OSBPL9: variants seen among roughly 807,000 people sequenced by gnomAD.
The protein encoded by OSBPL9 is oxysterol-binding protein-related protein 9.
OSBPL9 carries 40 observed loss-of-function variants against 106.6 expected under a neutral mutation model. The ratio of observed to expected loss-of-function variants is 0.38; its 90% confidence interval spans 0.29 to 0.49. The LOEUF (loss-of-function observed/expected upper bound fraction) is 0.49. Among genes scored for constraint, OSBPL9 ranks in the 20% least tolerant of loss-of-function variants. OSBPL9 has a pLI of 0.97. For synonymous variants in OSBPL9, 269 were observed against 295.4 expected, an observed-to-expected ratio of 0.91 and a Z score of 0.92; for missense variants, 609 against 887.2, an observed-to-expected ratio of 0.69 and a Z score of 3.98.
intron 12 of OSBPL9, among the ~76,000 whole-genome samples, chr1:51,771,349 A>G (rs1221881963): frequency 2.0e-5 from 3 of 152,078 alleles, no homozygotes; most frequent in Non-Finnish European, 4.4e-5. Flanking sequence ...ACAAATACCA[A>G]CTGGGTGTGG....
At chr1:51,580,517 A>G (rs1645214409) in intron 1 of OSBPL9, among the ~76,000 whole-genome samples, 1 of 152,134 alleles carries the variant, frequency 6.6e-6, no homozygotes. Flanking sequence ...AGCAGGCCAA[A>G]TTTGCTAAAA....
upstream of OSBPL9, among the ~76,000 whole-genome samples, chr1:51,616,027 T>TTGTGTGTG (rs1553150114): frequency 2.0e-5 from 3 of 147,356 alleles, no homozygotes; most frequent in African/African-American, 7.7e-5. Flanking sequence ...TTTTTTTTTT[T>TTGTGTGTG]TGTGTGAGAG....
intron 2 of OSBPL9, among the ~76,000 whole-genome samples, chr1:51,609,139 G>C (rs1367176589): frequency 6.6e-6 from 1 of 152,198 alleles, no homozygotes; most frequent in Middle Eastern, 3.4e-3. Flanking sequence ...TGATCTTGAA[G>C]TATTTTCCGT....
At chr1:51,558,073 G>A in the OSBPL9 span, among the ~76,000 whole-genome samples, 1 of 152,202 alleles carries the variant, frequency 6.6e-6, no homozygotes, top group Non-Finnish European at 1.5e-5. Context: ...GAGGTCAGGA[G>A]ATCAAGACCA....
chr1:51,652,077 G>T lies in OSBPL9; in HGVS notation c.162+36G>T. On this transcript the variant is annotated intron_variant, in intron 2 of 23. Transcript: ENST00000428468. ...ATTCATTTTTATGAAAATCAATTTT[G>T]ACAGAAGAAAATTGTATTCTGATAG... The T allele has an allele frequency of 2.0e-6, 3 of 1,492,374 alleles. No homozygotes were observed. The South Asian group carries it at 3.6e-5, about 18-fold the overall frequency. The allele number at this position is 1,492,374 out of a possible 1,614,324, so 92.4% of individuals were successfully genotyped here.
intron 4 of OSBPL9, among the ~76,000 whole-genome samples, chr1:51,731,431 A>G (rs763438249): frequency 3.9e-5 from 6 of 152,204 alleles, no homozygotes; most frequent in East Asian, 1.9e-4. Flanking sequence ...AGCCTGGATG[A>G]CAGAGAGCAA....
At chr1:51,690,228 T>C (rs1338360031) in intron 3 of OSBPL9, among the ~76,000 whole-genome samples, 1 of 152,224 alleles carries the variant, frequency 6.6e-6, no homozygotes, top group Non-Finnish European at 1.5e-5. Flanking sequence ...TGGTGAGGCT[T>C]TCCATTGACT....
chr1:51,666,267 A>G (rs1648494771), intron 2 of OSBPL9, among the ~76,000 whole-genome samples: 1 of 152,178 alleles, frequency 6.6e-6, no homozygotes, highest in Non-Finnish European at 1.5e-5. Context: ...TGGAAGGTTA[A>G]GGTACAGCCA....
chr1:51,569,238 G>C, the OSBPL9 span, among the ~76,000 whole-genome samples: 1 of 152,204 alleles, frequency 6.6e-6, no homozygotes, highest in African/African-American at 2.4e-5. Context: ...TTATTGTAGT[G>C]TACCTGTGAG....
upstream of OSBPL9, among the ~76,000 whole-genome samples, chr1:51,613,758 A>G (rs1644005544): frequency 6.8e-6 from 1 of 147,968 alleles, no homozygotes; most frequent in Non-Finnish European, 1.5e-5. Flanking sequence ...TTTTTTTGAG[A>G]CAGGGTCTTG....
rs544114765 is a variant in OSBPL9 at position 51,709,221 on chromosome 1, G to A, written c.242-4782G>A. 1.5e-5 allele frequency: 3 copies of A among 202,014 alleles called. No homozygotes were observed. The South Asian group carries it at 2.8e-4, about 19-fold the overall frequency. 12.5% of individuals were successfully genotyped at this position (202,014 alleles called of 1,614,324 possible). On this transcript the variant is annotated intron_variant, in intron 3 of 23. Coordinates refer to ENST00000428468, the MANE Select transcript of OSBPL9 (RefSeq NM_024586.6). The stretch of plus-strand genomic sequence containing the variant: ...GATTGTGGCGACACCGTACAAAGGC[G>A]TGGTGTGGTGGGCTGCAAGGTCCAC...
Position 51,687,146 on chromosome 1 carries a change from G to A in OSBPL9, c.241+17634G>A, listed in dbSNP as rs181687591. Among the ~76,000 whole-genome samples, 5 of 152,280 alleles carry A rather than the reference G, an allele frequency of 3.3e-5. No individual in the cohort carries two copies. The East Asian group carries it at 9.6e-4, about 29-fold the overall frequency. The stretch of plus-strand genomic sequence containing the variant: ...GGATTCCCCATTTCTCCTTTTTCTA[G>A]TCTAGGGTTTGGCTTAGTGATAACC... On this transcript the variant is annotated intron_variant, in intron 3 of 23. Transcript: ENST00000428468.
the OSBPL9 span, among the ~76,000 whole-genome samples, chr1:51,554,357 T>A: frequency 6.6e-6 from 1 of 152,160 alleles, no homozygotes; most frequent in Non-Finnish European, 1.5e-5. Flanking sequence ...TCTAGACGGT[T>A]AAAAATTTAA....
At chr1:51,682,906 T>C (rs1652897499) in intron 3 of OSBPL9, among the ~76,000 whole-genome samples, 1 of 151,654 alleles carries the variant, frequency 6.6e-6, no homozygotes, top group Admixed American at 6.6e-5. Flanking sequence ...GACAGAGTCT[T>C]GCTCCTGTTG....
rs765104482 is a variant in OSBPL9, at chr1:51,785,787, A to G, written c.1830-21A>G. 2.5e-6 allele frequency: 4 copies of G among 1,607,504 alleles called. No homozygotes were observed. The South Asian group carries it at 4.4e-5, about 18-fold the overall frequency. Reference sequence around the variant, plus strand: ...GAATTTTCAACTTGAGACTAACACAAGTATTTCCTTTTCTGTTCAGTTCTC... The same window carrying G: ...GAATTTTCAACTTGAGACTAACACAGGTATTTCCTTTTCTGTTCAGTTCTC... On this transcript the variant is annotated intron_variant, in intron 20 of 23. Transcript: ENST00000428468.
chr1:51,616,375 C>G (rs1357906912), upstream of OSBPL9, among the ~76,000 whole-genome samples: 1 of 152,182 alleles, frequency 6.6e-6, no homozygotes, highest in Admixed American at 6.5e-5. Flanking sequence ...TGGCTCACTG[C>G]TCCACGCACA....
intron 4 of OSBPL9, among the ~76,000 whole-genome samples, chr1:51,738,692 A>G (rs1251887872): frequency 6.6e-6 from 1 of 152,018 alleles, no homozygotes; most frequent in Non-Finnish European, 1.5e-5. Flanking sequence ...ATCAACTTAT[A>G]GCTTGTTTTT....
chr1:51,664,160 A>G (rs979215702), intron 2 of OSBPL9, among the ~76,000 whole-genome samples: 2 of 152,224 alleles, frequency 1.3e-5, no homozygotes, highest in Admixed American at 1.3e-4. Context: ...ATAACAAAAG[A>G]TATGAATAAG....
chr1:51,764,815 C>T (rs1273861875), intron 11 of OSBPL9, among the ~76,000 whole-genome samples: 2 of 152,116 alleles, frequency 1.3e-5, no homozygotes, highest in Admixed American at 1.3e-4. Context: ...GAACTCCTGG[C>T]CTCAAGCAGT....
Sources: allele counts gnomAD v4.1 joint callset (sites outside exome capture counted in the v4.1 genomes callset), GRCh38; gene constraint gnomAD v4.1.1; transcripts MANE v1.5; gene names NCBI Gene and HGNC (gene_info 2026-07-23, HGNC 2026-07-21).